Variants in PLCG2 observed in about 807,000 individuals in gnomAD.
PLCG2 encodes the protein 1-phosphatidylinositol 4,5-bisphosphate phosphodiesterase gamma-2.
A neutral mutation model predicts 175.6 loss-of-function variants in PLCG2; 69 were observed. That is an observed-to-expected ratio of 0.39 (90% CI 0.32 to 0.48). The LOEUF (loss-of-function observed/expected upper bound fraction) is 0.48, where lower values mean the gene tolerates loss of function less well. PLCG2 is among the 20% of genes least tolerant of loss of function. PLCG2 has a pLI of 0.91. For missense variants in PLCG2, 1,798 were observed against 1,650.9 expected (o/e 1.09, Z -1.54); for synonymous variants, 827 against 624.0 (o/e 1.33, Z -4.85).
chr16:81,874,960 T>A (rs1233408672), intron 7 of PLCG2, among the ~76,000 whole-genome samples: 1 of 142,352 alleles, frequency 7.0e-6, no homozygotes, highest in Non-Finnish European at 1.5e-5. Flanking sequence ...TTTTTTTTTT[T>A]TTTTTTTTTT....
At chr16:81,794,656 G>A (rs1402942889) in intron 2 of PLCG2, among the ~76,000 whole-genome samples, 1 of 152,202 alleles carries the variant, frequency 6.6e-6, no homozygotes, top group African/African-American at 2.4e-5. Flanking sequence ...TAAGACTCTT[G>A]TGATAAGTAA....
chr16:81,849,785 A>C (rs965275996), intron 2 of PLCG2, among the ~76,000 whole-genome samples: 9 of 108,584 alleles, frequency 8.3e-5, no homozygotes, highest in Admixed American at 3.0e-4. Context: ...AAAAAAAAAA[A>C]AAAAAAAAAA....
At position 81,958,044 on chromosome 16, in the gene PLCG2, G is replaced by C; in HGVS notation, c.*46G>C. On this transcript the variant is annotated 3_prime_UTR_variant, in exon 33 of 33. Coordinates refer to ENST00000564138, the MANE Select transcript of PLCG2 (RefSeq NM_002661.5). ...GGGTATTGTGTGTGTGCGCATGTGT[G>C]TTTGCATGTAGGAGAACGTGCCCTA... The C allele has an allele frequency of 2.2e-6, 3 of 1,385,694 alleles. No individual in the cohort carries two copies. Among genetic ancestry groups the C allele is most frequent in the Non-Finnish European group, 3.1e-6 (3 of 971,706 alleles). 85.8% of individuals were successfully genotyped at this position (1,385,694 alleles called of 1,614,324 possible).
intron 2 of PLCG2, among the ~76,000 whole-genome samples, chr16:81,810,171 A>G (rs1191827987): frequency 6.6e-6 from 1 of 152,056 alleles, no homozygotes. Context: ...TTGTATTTTT[A>G]GTAGAGATGG....
At chr16:81,878,305 G>A (rs531484989) in intron 7 of PLCG2, among the ~76,000 whole-genome samples, 2 of 152,182 alleles carry the variant, frequency 1.3e-5, no homozygotes, top group South Asian at 2.1e-4. Context: ...CTTTTAAGAA[G>A]CCAGGCACTG....
chr16:81,831,939 G>C (rs149001399), intron 2 of PLCG2, among the ~76,000 whole-genome samples: 11 of 152,190 alleles, frequency 7.2e-5, no homozygotes, highest in Admixed American at 5.9e-4. Context: ...CAGGCAAAGC[G>C]GGGGCAGGGG....
At chr16:81,757,016 ACT>A (rs1329742439) in intron 2 of PLCG2, among the ~76,000 whole-genome samples, 1 of 151,802 alleles carries the variant, frequency 6.6e-6, no homozygotes, top group Non-Finnish European at 1.5e-5. Context: ...AAGTGTAGTG[ACT>A]CTGTATCTTG....
At chr16:81,743,122 G>A (rs1262697355) in intron 1 of PLCG2, among the ~76,000 whole-genome samples, 3 of 152,096 alleles carry the variant, frequency 2.0e-5, no homozygotes, top group African/African-American at 7.2e-5. Flanking sequence ...GCAACATAGT[G>A]AGTCTCTGTC....
At chr16:81,792,724 G>T (rs995233250) in intron 2 of PLCG2, among the ~76,000 whole-genome samples, 2 of 152,000 alleles carry the variant, frequency 1.3e-5, no homozygotes, top group African/African-American at 4.8e-5. Context: ...GCCCTCATGA[G>T]AATTTACTCA....
At chr16:81,939,160 C>T (rs1013343795) in intron 29 of PLCG2, among the ~76,000 whole-genome samples, 2 of 152,128 alleles carry the variant, frequency 1.3e-5, no homozygotes, top group Non-Finnish European at 2.9e-5. Context: ...AGGTGAGGCC[C>T]TGACACTAGG....
rs868333181 is a variant in PLCG2 at position 81,900,617 on chromosome 16, C to T, written c.1199C>T (p.Pro400Leu). The change falls in exon 14 of 33, where the codon CCA (proline) becomes CTA (leucine). Residue 400 changes from proline to leucine, a missense_variant. Pro to Leu is a moderately conservative substitution (Grantham distance 98). Coordinates refer to ENST00000564138, the MANE Select transcript of PLCG2 (RefSeq NM_002661.5). ...KDHAFVTSSF[P>L]VILSIEEHCS... ...CCACCCTCTTCTGCCTGCAGCTTCC[C>T]AGTGATCCTGTCCATCGAGGAGCAC... 3.1e-6 allele frequency: 5 copies of T among 1,590,674 alleles called. No individual in the cohort carries two copies. Among genetic ancestry groups the T allele is most frequent in the Non-Finnish European group, 4.3e-6 (5 of 1,160,902 alleles).
chr16:81,912,842 A>G (rs1486592561), intron 19 of PLCG2, 126 bp downstream of exon 19: 6 of 1,192,006 alleles, frequency 5.0e-6, no homozygotes, highest in African/African-American at 4.6e-5. Flanking sequence ...ATCAGCGACA[A>G]CAACAACCAC....
At chr16:81,818,352 T>G (rs889835356) in intron 2 of PLCG2, among the ~76,000 whole-genome samples, 1 of 152,334 alleles carries the variant, frequency 6.6e-6, no homozygotes, top group South Asian at 2.1e-4. Context: ...TATATTTATG[T>G]GGGCATTTAA....
At chr16:81,778,016 CAA>C (rs753644088), upstream of PLCG2, among the ~76,000 whole-genome samples, 17 of 49,092 alleles carry the variant, frequency 3.5e-4, no homozygotes, top group African/African-American at 1.2e-3. Flanking sequence ...GACTTTGTCT[CAA>C]AAAAAAAAAA....
intron 2 of PLCG2, among the ~76,000 whole-genome samples, chr16:81,817,250 G>C (rs892906247): frequency 1.0e-3 from 157 of 152,206 alleles, no homozygotes; most frequent in African/African-American, 3.6e-3. Context: ...TCCTCTAGGT[G>C]GAGAAGGACT....
intron 19 of PLCG2, among the ~76,000 whole-genome samples, chr16:81,917,043 C>G (rs1308754949): frequency 6.6e-6 from 1 of 152,164 alleles, no homozygotes; most frequent in Non-Finnish European, 1.5e-5. Context: ...ATATCCCCAA[C>G]ACTCCCTACC....
chr16:81,918,848 A>AT (rs1373870938), intron 19 of PLCG2, among the ~76,000 whole-genome samples: 3 of 151,696 alleles, frequency 2.0e-5, no homozygotes, highest in Non-Finnish European at 2.9e-5. Context: ...TCTGTTTTGG[A>AT]TTTTTTCTGC....
At chr16:81,757,408 A>G (rs1055236482) in intron 2 of PLCG2, among the ~76,000 whole-genome samples, 2 of 152,160 alleles carry the variant, frequency 1.3e-5, no homozygotes, top group African/African-American at 4.8e-5. Flanking sequence ...TACTAAAAAT[A>G]TAAACATTAG....
chr16:81,858,993 A>T, intron 4 of PLCG2, 123 bp from the exon 5 acceptor site: 1 of 592,036 alleles, frequency 1.7e-6, no homozygotes, highest in Non-Finnish European at 3.0e-6. Context: ...CTTGTTAGAA[A>T]GTTGGAAGAC....
Sources: gnomAD v4.1 joint callset for allele counts (sites outside exome capture counted in the v4.1 genomes callset) on GRCh38, gnomAD v4.1.1 for gene constraint, MANE v1.5 for transcripts, NCBI Gene and HGNC (gene_info 2026-07-23, HGNC 2026-07-21) for gene names.